The following DIAPH2 variants were observed in gnomAD, a reference collection of about 807,000 sequenced individuals.
DIAPH2 encodes the protein protein diaphanous homolog 2.
Under a neutral mutation model 92.7 loss-of-function variants are expected in DIAPH2, and 35 were observed. The observed-to-expected ratio is 0.38, with a 90% CI of 0.29 to 0.50. The LOEUF is 0.50. Ranked by LOEUF, DIAPH2 falls within the 20% of genes least tolerant of loss-of-function variation. The probability of loss-of-function intolerance (pLI) is 0.94; values close to 1 mark genes in which losing one functional copy is unlikely to be tolerated. For synonymous variants in DIAPH2, 301 were observed against 280.4 expected (o/e 1.07, Z -0.73); for missense variants, 701 against 819.5 (o/e 0.86, Z 1.77).
intron 15 of DIAPH2, among the ~76,000 whole-genome samples, chrX:96,949,800 C>T (rs1427840060): frequency 4.8e-5 from 5 of 103,771 alleles, no homozygotes; most frequent in African/African-American, 1.8e-4. Context: ...GCAGAACTTG[C>T]AGTGAGCCGA....
chrX:96,928,687 T>C (rs1354008412), intron 9 of DIAPH2, among the ~76,000 whole-genome samples: 1 of 111,190 alleles, frequency 9.0e-6, no homozygotes, highest in Non-Finnish European at 1.9e-5. Context: ...AAATATCTAT[T>C]AGAATATGAT....
At chrX:96,765,468 A>T (rs6523057) in intron 4 of DIAPH2, among the ~76,000 whole-genome samples, 1 of 110,755 alleles carries the variant, frequency 9.0e-6, no homozygotes, top group African/African-American at 3.3e-5. Flanking sequence ...TAAAGTGCTG[A>T]GATTACAGGC....
chrX:97,343,801 C>T (rs1406944837), intron 23 of DIAPH2, among the ~76,000 whole-genome samples: 2 of 111,216 alleles, frequency 1.8e-5, no homozygotes, highest in African/African-American at 6.5e-5. Flanking sequence ...CTAAATGTGT[C>T]ATATGCTGCT....
At chrX:96,723,543 A>G (rs1243855628) in intron 1 of DIAPH2, among the ~76,000 whole-genome samples, 2 of 112,161 alleles carry the variant, frequency 1.8e-5, no homozygotes, top group Non-Finnish European at 3.8e-5. Context: ...TTGGAATACT[A>G]CTTACTACCA....
intron 17 of DIAPH2, among the ~76,000 whole-genome samples, chrX:97,028,300 T>A (rs2066348895): frequency 9.0e-6 from 1 of 111,490 alleles, no homozygotes; most frequent in African/African-American, 3.3e-5. Flanking sequence ...CTACTGAAAC[T>A]ACTCTCTCTA....
At chrX:97,463,028 T>C (rs2070472414) in intron 26 of DIAPH2, among the ~76,000 whole-genome samples, 1 of 111,237 alleles carries the variant, frequency 9.0e-6, no homozygotes, top group Non-Finnish European at 1.9e-5. Context: ...ATTGAACAGA[T>C]ACAGAGAGGC....
At chrX:97,564,589 A>C (rs771914279) in intron 26 of DIAPH2, 1 of 111,968 alleles carries the variant, frequency 8.9e-6, no homozygotes, top group Non-Finnish European at 1.9e-5. Context: ...ATTCATGAGG[A>C]TAGAACCCTT....
Position 97,465,273 on chromosome X carries a change from C to CCACACACA in DIAPH2, c.3241+35542_3241+35549dup. Among the ~76,000 whole-genome samples the CCACACACA allele has an allele frequency of 2.8e-5, 3 of 106,877 alleles. No individual in the cohort carries two copies. In the South Asian group the frequency reaches 1.2e-3, roughly 43 times the overall value. 92.8% of individuals were successfully genotyped at this position (106,877 alleles called of 115,157 possible). A position where few individuals can be genotyped will look rare whatever the true frequency, so the allele number is the denominator to read the frequency against. The stretch of plus-strand genomic sequence containing the variant: ...TATCCTGTCTTGCTTTAGAATTCAC[C>CCACACACA]CACACACACACACACACACACGTTT... On this transcript the variant is annotated intron_variant, in intron 26 of 26. Coordinates refer to ENST00000324765, the MANE Select transcript of DIAPH2 (RefSeq NM_006729.5).
chrX:96,933,632 T>A (rs915220819), intron 10 of DIAPH2, among the ~76,000 whole-genome samples: 17 of 106,437 alleles, frequency 1.6e-4, no homozygotes, highest in Non-Finnish European at 2.1e-4. Flanking sequence ...TGAGACAGAG[T>A]CTTGCTCTGT....
chrX:97,125,471 C>CAAAAAA (rs1159049051), intron 21 of DIAPH2, among the ~76,000 whole-genome samples: 2 of 19,216 alleles, frequency 1.0e-4, no homozygotes, highest in Non-Finnish European at 2.0e-4. Context: ...GACTCCGTCT[C>CAAAAAA]AAAAAAAAAA....
chrX:96,903,655 T>C (rs1049226760), intron 5 of DIAPH2, among the ~76,000 whole-genome samples: 2 of 111,976 alleles, frequency 1.8e-5, no homozygotes, highest in Non-Finnish European at 3.8e-5. Flanking sequence ...TGACCGTAGA[T>C]TGAAGAGTCT....
intron 23 of DIAPH2, among the ~76,000 whole-genome samples, chrX:97,254,719 TTTA>T (rs2068221918): frequency 9.3e-6 from 1 of 108,070 alleles, no homozygotes; most frequent in African/African-American, 3.4e-5. Context: ...TTTATTTTAT[TTTA>T]TTTATTTTAT....
At chrX:97,274,367 G>A (rs1314089073) in intron 23 of DIAPH2, among the ~76,000 whole-genome samples, 1 of 108,935 alleles carries the variant, frequency 9.2e-6, no homozygotes, top group African/African-American at 3.3e-5. Flanking sequence ...AATTAGCCTG[G>A]CATGGTGGCA....
intron 4 of DIAPH2, among the ~76,000 whole-genome samples, chrX:96,846,127 C>T: frequency 1.0e-5 from 1 of 97,029 alleles, no homozygotes; most frequent in East Asian, 3.3e-4. Context: ...CTTTGTGTCT[C>T]TGCATTAGCG....
chrX:96,947,809 A>G (rs2065747503), intron 14 of DIAPH2, among the ~76,000 whole-genome samples: 3 of 112,171 alleles, frequency 2.7e-5, no homozygotes, highest in African/African-American at 9.7e-5. Context: ...TAGACTTCTA[A>G]ATTGACTTGA....
intron 22 of DIAPH2, among the ~76,000 whole-genome samples, chrX:97,161,297 G>T (rs1455369333): frequency 9.0e-6 from 1 of 110,727 alleles, no homozygotes; most frequent in Admixed American, 9.6e-5. Flanking sequence ...ATATTAGATG[G>T]ATTATATATA....
intron 23 of DIAPH2, among the ~76,000 whole-genome samples, chrX:97,271,442 G>A (rs1190768993): frequency 5.4e-5 from 6 of 111,622 alleles, no homozygotes; most frequent in East Asian, 5.6e-4. Flanking sequence ...AAGAAATGTC[G>A]TAGTAAAATG....
intron 17 of DIAPH2, among the ~76,000 whole-genome samples, chrX:96,993,341 C>T (rs866121726): frequency 3.6e-5 from 4 of 112,052 alleles, no homozygotes; most frequent in African/African-American, 6.5e-5. Flanking sequence ...TGTATTAGTT[C>T]GTTCTCACAC....
chrX:97,069,548 T>G (rs1424830119), intron 17 of DIAPH2, among the ~76,000 whole-genome samples: 2 of 111,636 alleles, frequency 1.8e-5, no homozygotes. Context: ...GGTTTACATA[T>G]GACCATGCAG....
Sources: gnomAD v4.1 joint callset for allele counts (sites outside exome capture counted in the v4.1 genomes callset) on GRCh38, gnomAD v4.1.1 for gene constraint, MANE v1.5 for transcripts, NCBI Gene and HGNC (gene_info 2026-07-23, HGNC 2026-07-21) for gene names.